The following RIMBP2 variants were observed in gnomAD, a reference collection of about 807,000 sequenced individuals.
RIMBP2 encodes RIMS-binding protein 2.
RIMBP2 carries 48 observed loss-of-function variants against 118.6 expected under a neutral mutation model. The ratio of observed to expected loss-of-function variants is 0.40; its 90% confidence interval spans 0.32 to 0.51. The LOEUF is 0.51. Among genes scored for constraint, RIMBP2 ranks in the 20% least tolerant of loss-of-function variants. The probability of loss-of-function intolerance (pLI) is 0.41; values close to 1 mark genes in which losing one functional copy is unlikely to be tolerated. For missense variants in RIMBP2, 1,551 were observed against 1,768.3 expected (o/e 0.88, Z 2.20); for synonymous variants, 762 against 742.9 (o/e 1.03, Z -0.42).
At chr12:130,452,084 G>A (rs775016093) in intron 7 of RIMBP2, among the ~76,000 whole-genome samples, 3 of 152,142 alleles carry the variant, frequency 2.0e-5, no homozygotes, top group Admixed American at 6.5e-5. Context: ...GGTGTCAGAC[G>A]ACAGCGCAGC....
At position 130,569,172 on chromosome 12, in the gene RIMBP2, T is replaced by A. The variant is rs189301223; in HGVS notation, c.-216-51255A>T. On this transcript the variant is annotated intron_variant, in intron 2 of 22. Transcript: ENST00000690449. ...GCTAGTCCAGGACATGTCAGCTCCCTGGGCCCTGGGACAGCCTCATCCGGC... is the reference window on the plus strand; with the variant it reads ...GCTAGTCCAGGACATGTCAGCTCCCAGGGCCCTGGGACAGCCTCATCCGGC... Among the ~76,000 whole-genome samples the A allele has an allele frequency of 2.0e-5, 3 of 152,292 alleles. No individual in the cohort carries two copies. In the East Asian group the frequency reaches 5.8e-4, roughly 29 times the overall value.
chr12:130,432,925 A>C (rs1566022621), intron 14 of RIMBP2, among the ~76,000 whole-genome samples: 1 of 152,226 alleles, frequency 6.6e-6, no homozygotes, highest in Non-Finnish European at 1.5e-5. Context: ...AGACCAAAAC[A>C]GATACCTCTT....
chr12:130,709,731 C>A (rs1052940245), intron 1 of RIMBP2, among the ~76,000 whole-genome samples: 2 of 152,218 alleles, frequency 1.3e-5, no homozygotes, highest in East Asian at 3.9e-4. Context: ...GAAACCCCCC[C>A]CCTTCCCACC....
chr12:130,516,692 A>G (rs1198188590), intron 3 of RIMBP2, among the ~76,000 whole-genome samples: 1 of 152,228 alleles, frequency 6.6e-6, no homozygotes, highest in Non-Finnish European at 1.5e-5. Context: ...ATGCTGAGAC[A>G]AGCTTAGGGA....
At chr12:130,686,683 G>A (rs935682614) in intron 1 of RIMBP2, among the ~76,000 whole-genome samples, 4 of 152,234 alleles carry the variant, frequency 2.6e-5, no homozygotes, top group African/African-American at 4.8e-5. Context: ...TTTAGCACTC[G>A]GGCCTCCGCA....
chr12:130,621,760 A>C lies in RIMBP2; in HGVS notation c.-217+6562T>G, dbSNP rs902075730. 3.3e-5 allele frequency among the ~76,000 whole-genome samples: 5 copies of C among 152,084 alleles called. No homozygotes were observed. The highest frequency in any genetic ancestry group is 1.2e-4 in the African/African-American group (5 of 41,394). The stretch of plus-strand genomic sequence containing the variant: ...GGGTACCATAGCTGGAAGTGTGACT[A>C]TTTCCTCGACATTTCCAAAACTCTT... On this transcript the variant is annotated intron_variant, in intron 2 of 22. Transcript: ENST00000690449. The surrounding 1 kb of genome is among the most constrained non-coding windows in gnomAD (Gnocchi z 6.6).
intron 10 of RIMBP2, among the ~76,000 whole-genome samples, chr12:130,444,485 C>T (rs181084363): frequency 5.5e-4 from 83 of 152,290 alleles, no homozygotes; most frequent in Non-Finnish European, 7.2e-4. Context: ...ACCAAGACCA[C>T]GCTATTTGTC....
chr12:130,693,798 G>A (rs1034747806), intron 1 of RIMBP2, among the ~76,000 whole-genome samples: 9 of 152,294 alleles, frequency 5.9e-5, no homozygotes, highest in East Asian at 5.8e-4. Flanking sequence ...CTTTAATTGC[G>A]GATGATTCAG....
chr12:130,689,669 G>C (rs1040179711), intron 1 of RIMBP2, among the ~76,000 whole-genome samples: 2 of 152,126 alleles, frequency 1.3e-5, no homozygotes, highest in African/African-American at 2.4e-5. Flanking sequence ...TCAACACTTC[G>C]AGACTGCACC....
At chr12:130,552,587 A>T (rs1404085879) in intron 2 of RIMBP2, among the ~76,000 whole-genome samples, 2 of 152,246 alleles carry the variant, frequency 1.3e-5, no homozygotes, top group East Asian at 3.8e-4. Flanking sequence ...GGAAATGAGC[A>T]TCATTAGTCC....
At chr12:130,480,720 C>T (rs2081919660) in intron 4 of RIMBP2, among the ~76,000 whole-genome samples, 1 of 152,116 alleles carries the variant, frequency 6.6e-6, no homozygotes, top group Non-Finnish European at 1.5e-5. Context: ...CGTGCTTCAG[C>T]CTCCCTAGTA....
rs1235736936 is a variant in RIMBP2, at chr12:130,442,476, C to A, written c.876G>T (p.Ala292=). The A allele has an allele frequency of 6.2e-7, 1 of 1,614,174 alleles. No individual in the cohort carries two copies. The highest frequency in any genetic ancestry group is 1.7e-5 in the Admixed American group (1 of 60,020). ...TCCCGGCACTGTTGTCGGTGATGCC[C>A]GCATCTATGTGGGTTGGGGAGTGGA... The part of the protein sequence containing the change: ...LDLHSPTHID[A]GITDNSAGTL... Residue 292 remains alanine, a synonymous_variant, in exon 11 of 23, where the codon GCG becomes GCT. Coordinates refer to ENST00000690449, the MANE Select transcript of RIMBP2 (RefSeq NM_001393629.1). The surrounding 1 kb of genome is among the most constrained non-coding windows in gnomAD (Gnocchi z 6.9).
intron 19 of RIMBP2, among the ~76,000 whole-genome samples, chr12:130,410,546 G>A (rs1485617784): frequency 6.6e-6 from 1 of 152,194 alleles, no homozygotes; most frequent in Admixed American, 6.5e-5. Context: ...TTAATATGGT[G>A]AGAGTGTGGT....
At chr12:130,551,970 T>C (rs2055829153) in intron 2 of RIMBP2, among the ~76,000 whole-genome samples, 1 of 151,912 alleles carries the variant, frequency 6.6e-6, no homozygotes, top group African/African-American at 2.4e-5. Context: ...CTGCATCCAG[T>C]GATTTCAGAT....
intron 4 of RIMBP2, among the ~76,000 whole-genome samples, chr12:130,498,875 A>G (rs960636682): frequency 6.6e-6 from 1 of 152,220 alleles, no homozygotes; most frequent in Non-Finnish European, 1.5e-5. Context: ...CCACACAGCC[A>G]TGAGACATCA....
chr12:130,627,293 A>T (rs2061704808), intron 2 of RIMBP2, among the ~76,000 whole-genome samples: 1 of 152,256 alleles, frequency 6.6e-6, no homozygotes, highest in African/African-American at 2.4e-5. Context: ...TGGAACAGTC[A>T]GTGCCACCAG....
intron 14 of RIMBP2, among the ~76,000 whole-genome samples, chr12:130,433,335 G>A (rs1167462050): frequency 6.6e-6 from 1 of 152,278 alleles, no homozygotes; most frequent in East Asian, 1.9e-4. Context: ...CTACAGATAT[G>A]TCTACTCACT....
In RIMBP2 at chr12:130,478,948, G is replaced by A; in HGVS notation, c.66C>T (p.Leu22=). The A allele has an allele frequency of 5.0e-6, 8 of 1,613,868 alleles. No individual in the cohort carries two copies. Among genetic ancestry groups the A allele is most frequent in the Non-Finnish European group, 6.8e-6 (8 of 1,179,952 alleles). Residue 22 remains leucine (L), a synonymous_variant, in exon 5 of 23, where the codon CTC becomes CTT. Transcript: ENST00000690449. Reference sequence around the variant, plus strand: ...GGTCAATTTCCTGCTGCTTGGCACTGAGAACAGCCAGGGCCTGGTCATGCT... The same window carrying A: ...GGTCAATTTCCTGCTGCTTGGCACTAAGAACAGCCAGGGCCTGGTCATGCT... The part of the protein sequence containing the change: ...QLEHDQALAV[L]SAKQQEIDLL...
chr12:130,713,257 GGAA>G (rs1950085117), intron 1 of RIMBP2, among the ~76,000 whole-genome samples: 1 of 150,602 alleles, frequency 6.6e-6, no homozygotes, highest in Non-Finnish European at 1.5e-5. Context: ...AAGGAAGGAA[GGAA>G]GGAAGGAAGG....
Sources: allele counts gnomAD v4.1 joint callset (sites outside exome capture counted in the v4.1 genomes callset), GRCh38; gene constraint gnomAD v4.1.1; non-coding constraint Gnocchi (gnomAD v3.1); transcripts MANE v1.5; gene names NCBI Gene and HGNC (gene_info 2026-07-23, HGNC 2026-07-21).